The following NOL4L variants were observed in gnomAD, a reference collection of about 807,000 sequenced individuals.
The protein encoded by NOL4L is nucleolar protein 4-like.
A neutral mutation model predicts 64.5 loss-of-function variants in NOL4L; 7 were observed. The observed-to-expected ratio is 0.11, with a 90% CI of 0.06 to 0.20. The LOEUF (loss-of-function observed/expected upper bound fraction) is 0.20. Among genes scored for constraint, NOL4L ranks in the 10% least tolerant of loss-of-function variants. The probability of loss-of-function intolerance (pLI) is 1.00; values close to 1 mark genes in which losing one functional copy is unlikely to be tolerated. For missense variants in NOL4L, 680 were observed against 967.1 expected, an observed-to-expected ratio of 0.70 and a Z score of 3.94; for synonymous variants, 413 against 401.0, an observed-to-expected ratio of 1.03 and a Z score of -0.36.
intron 1 of NOL4L, among the ~76,000 whole-genome samples, chr20:32,554,099 T>C (rs1270331359): frequency 6.6e-6 from 1 of 151,972 alleles, no homozygotes; most frequent in African/African-American, 2.4e-5. Flanking sequence ...GGCGGGCGGA[T>C]CACAAGGTCA....
intron 2 of NOL4L, among the ~76,000 whole-genome samples, chr20:32,524,025 C>T (rs571500588): frequency 1.3e-5 from 2 of 152,290 alleles, no homozygotes; most frequent in African/African-American, 4.8e-5. Context: ...CCACATCTGG[C>T]CCCAACTCCA....
intron 1 of NOL4L, among the ~76,000 whole-genome samples, chr20:32,551,181 G>C (rs988177442): frequency 1.3e-5 from 2 of 151,872 alleles, no homozygotes; most frequent in Non-Finnish European, 2.9e-5. Context: ...TTCGAGACCA[G>C]CCTGGCCAAC....
intron 3 of NOL4L, among the ~76,000 whole-genome samples, chr20:32,515,581 C>A (rs1227517924): frequency 6.6e-6 from 1 of 150,878 alleles, no homozygotes; most frequent in Non-Finnish European, 1.5e-5. Context: ...CCAGTGGAAG[C>A]CGCAGAGTCA....
chr20:32,568,008 CCAT>C (rs1464260569), intron 1 of NOL4L, among the ~76,000 whole-genome samples: 16 of 151,920 alleles, frequency 1.1e-4, no homozygotes, highest in East Asian at 1.9e-4. Context: ...ATATTCATCA[CCAT>C]CATCATCACC....
intron 1 of NOL4L, among the ~76,000 whole-genome samples, chr20:32,530,675 A>C (rs1251430598): frequency 3.3e-5 from 5 of 152,324 alleles, no homozygotes; most frequent in Admixed American, 3.3e-4. Context: ...TAATCCCAAC[A>C]CTTTGGGAGG....
chr20:32,493,426 C>A (rs1396933848), intron 4 of NOL4L, among the ~76,000 whole-genome samples: 2 of 152,080 alleles, frequency 1.3e-5, no homozygotes, highest in African/African-American at 4.8e-5. Flanking sequence ...GGGGTCATGT[C>A]CAGGTGTGGA....
intron 1 of NOL4L, among the ~76,000 whole-genome samples, chr20:32,543,671 T>TC (rs2018690962): frequency 6.6e-6 from 1 of 151,652 alleles, no homozygotes; most frequent in Non-Finnish European, 1.5e-5. Context: ...ACACCTGTAG[T>TC]CCCAGCTTCT....
chr20:32,554,227 A>C (rs527660519), intron 1 of NOL4L, among the ~76,000 whole-genome samples: 2 of 149,942 alleles, frequency 1.3e-5, no homozygotes, highest in East Asian at 4.0e-4. Context: ...AGGCTGAGGC[A>C]GGAGAATGGC....
At chr20:32,512,594 G>A (rs565732523) in intron 3 of NOL4L, among the ~76,000 whole-genome samples, 5 of 152,240 alleles carry the variant, frequency 3.3e-5, no homozygotes, top group South Asian at 4.1e-4. Context: ...ATTGCACCAC[G>A]CAGCTTGGCA....
chr20:32,575,079 C>T (rs944928944), intron 1 of NOL4L, among the ~76,000 whole-genome samples: 3 of 152,172 alleles, frequency 2.0e-5, no homozygotes, highest in African/African-American at 4.8e-5. Flanking sequence ...CCTTCTCCAT[C>T]GCCCTCTTGC....
In NOL4L at chr20:32,464,361, GAT is replaced by G. The variant is rs1217772660; in HGVS notation, c.842-7968_842-7967del. Among the ~76,000 whole-genome samples the G allele has an allele frequency of 6.6e-6, 1 of 152,220 alleles. No homozygotes were observed. Among genetic ancestry groups the G allele is most frequent in the Non-Finnish European group, 1.5e-5 (1 of 68,032 alleles). Reference sequence around the variant, plus strand: ...GACACTAGGACCCTACCATCCGGGTGATGGGGCCACACGGGGCACCTGCATTC... The same window carrying G: ...GACACTAGGACCCTACCATCCGGGTGGGGGCCACACGGGGCACCTGCATTC... On this transcript the variant is annotated intron_variant, in intron 5 of 10. Transcript: ENST00000621426. This position sits in a 1 kb window ranked among gnomAD's most constrained non-coding sequence, Gnocchi z 5.6.
intron 4 of NOL4L, among the ~76,000 whole-genome samples, chr20:32,476,638 T>C (rs2015418648): frequency 6.6e-6 from 1 of 152,236 alleles, no homozygotes; most frequent in Non-Finnish European, 1.5e-5. Flanking sequence ...TCGACAGGTA[T>C]TTACTGAGCA....
Position 32,584,693 on chromosome 20 carries a change from G to A in NOL4L, c.198C>T (p.Ser66=), listed in dbSNP as rs776467685. 5 of 1,548,000 alleles carry A rather than the reference G, an allele frequency of 3.2e-6. No homozygotes were observed. The East Asian group carries it at 7.4e-5, about 23-fold the overall frequency. ...TGCCTTTCTCGCCGGCTGCGGGGCC[G>A]CTGCCCGCGCCAGTCCCGCCGCCGC... The part of the protein sequence containing the change: ...LQGGGGTGAG[S]GPAAGEKGKF... Residue 66 remains serine, a synonymous_variant, in exon 1 of 11, where the codon AGC becomes AGT. Coordinates refer to ENST00000621426, the MANE Select transcript of NOL4L (RefSeq NM_001256798.2).
intron 9 of NOL4L, 106 bp from the exon 10 acceptor site, chr20:32,452,543 A>G: frequency 9.5e-7 from 1 of 1,057,142 alleles, no homozygotes; most frequent in Non-Finnish European, 1.3e-6. Context: ...GACTCCTGGG[A>G]CCCAATGCTG....
chr20:32,459,672 A>T (rs2013871532), intron 5 of NOL4L, among the ~76,000 whole-genome samples: 1 of 152,152 alleles, frequency 6.6e-6, no homozygotes, highest in Non-Finnish European at 1.5e-5. Flanking sequence ...GGCATGGGCC[A>T]CCGTGCCCAG....
At chr20:32,481,623 G>A (rs565045746) in intron 4 of NOL4L, among the ~76,000 whole-genome samples, 2 of 152,292 alleles carry the variant, frequency 1.3e-5, no homozygotes, top group South Asian at 2.1e-4. Flanking sequence ...GGGTGGTGTC[G>A]CCCAGCTCAA....
At chr20:32,540,971 A>G (rs959636665) in intron 1 of NOL4L, among the ~76,000 whole-genome samples, 1 of 147,210 alleles carries the variant, frequency 6.8e-6, no homozygotes, top group Non-Finnish European at 1.5e-5. Context: ...ATCTCATGTC[A>G]TGCCACAGTG....
chr20:32,475,138 C>T (rs1600705318), intron 4 of NOL4L: 10 of 985,466 alleles, frequency 1.0e-5, no homozygotes, highest in East Asian at 2.3e-4. Flanking sequence ...CGGCAAGAAG[C>T]GGGCAGCAGC....
intron 4 of NOL4L, among the ~76,000 whole-genome samples, chr20:32,484,758 G>A (rs1238688539): frequency 6.6e-6 from 1 of 152,094 alleles, no homozygotes; most frequent in Admixed American, 6.5e-5. Flanking sequence ...GGAGCCACGC[G>A]GATTCCAGAT....
Sources: gnomAD v4.1 joint callset for allele counts (sites outside exome capture counted in the v4.1 genomes callset) on GRCh38, gnomAD v4.1.1 for gene constraint, Gnocchi (gnomAD v3.1) non-coding constraint, MANE v1.5 for transcripts, NCBI Gene and HGNC (gene_info 2026-07-23, HGNC 2026-07-21) for gene names.